Variants in PDZRN3 observed in about 807,000 individuals in gnomAD.
PDZRN3 encodes E3 ubiquitin-protein ligase PDZRN3.
Under a neutral mutation model 85.7 loss-of-function variants are expected in PDZRN3, and 38 were observed. The observed-to-expected ratio is 0.44, with a 90% CI of 0.34 to 0.58. The LOEUF (loss-of-function observed/expected upper bound fraction) is 0.58. PDZRN3 is among the 20% of genes least tolerant of loss of function. The pLI, the probability that PDZRN3 is intolerant of heterozygous loss-of-function variation, is 0.01. For synonymous variants in PDZRN3, 759 were observed against 638.0 expected (o/e 1.19, Z -2.86); for missense variants, 1,629 against 1,506.4 (o/e 1.08, Z -1.35).
At chr3:73,474,901 G>A (rs886614779) in intron 3 of PDZRN3, among the ~76,000 whole-genome samples, 1 of 152,156 alleles carries the variant, frequency 6.6e-6, no homozygotes, top group African/African-American at 2.4e-5. Context: ...GGAAATTAAT[G>A]GAGGGTTGTG....
At chr3:73,452,885 T>C (rs908765515) in intron 3 of PDZRN3, among the ~76,000 whole-genome samples, 5 of 56,760 alleles carry the variant, frequency 8.8e-5, no homozygotes, top group Non-Finnish European at 1.7e-4. Flanking sequence ...TTTAAGTCCA[T>C]GCAGTTGTCT....
At chr3:73,428,894 GT>G (rs63105360) in intron 3 of PDZRN3, among the ~76,000 whole-genome samples, 32 of 148,962 alleles carry the variant, frequency 2.1e-4, no homozygotes, top group East Asian at 3.9e-4. Flanking sequence ...AGATGGGCTT[GT>G]TTTTTTTTTC....
chr3:73,426,463 C>T (rs762613843), intron 3 of PDZRN3, among the ~76,000 whole-genome samples: 5 of 152,112 alleles, frequency 3.3e-5, no homozygotes, highest in Non-Finnish European at 7.4e-5. Flanking sequence ...CAATTTTCTA[C>T]TTGTAAACTA....
At chr3:73,446,083 T>G (rs1016850654) in intron 3 of PDZRN3, among the ~76,000 whole-genome samples, 4 of 152,240 alleles carry the variant, frequency 2.6e-5, no homozygotes, top group African/African-American at 4.8e-5. Flanking sequence ...ACTAGAAAGC[T>G]GATAAGTGGG....
At chr3:73,474,266 C>T (rs867546336) in intron 3 of PDZRN3, among the ~76,000 whole-genome samples, 1 of 152,218 alleles carries the variant, frequency 6.6e-6, no homozygotes, top group Non-Finnish European at 1.5e-5. Context: ...GTTCATGGTA[C>T]AGACAGATGG....
At position 73,385,793 on chromosome 3, in the gene PDZRN3, C is replaced by A; in HGVS notation, c.1519-8G>T. ...CATCCAGCCCTCATCCAGCTGCAGG[C>A]AAGAGCAGCCAACACATGCCTTAGA... On this transcript the variant is annotated splice_polypyrimidine_tract_variant and splice_region_variant and intron_variant, in intron 8 of 9. Coordinates refer to ENST00000263666, the MANE Select transcript of PDZRN3 (RefSeq NM_015009.3). 1 of 1,494,404 alleles carries A rather than the reference C, an allele frequency of 6.7e-7. No homozygotes were observed. Among genetic ancestry groups the A allele is most frequent in the Non-Finnish European group, 9.3e-7 (1 of 1,071,014 alleles). 92.6% of individuals were successfully genotyped at this position (1,494,404 alleles called of 1,614,324 possible). A position where few individuals can be genotyped will look rare whatever the true frequency, so the allele number is the denominator to read the frequency against.
intron 3 of PDZRN3, among the ~76,000 whole-genome samples, chr3:73,476,891 G>A (rs536574326): frequency 6.6e-6 from 1 of 152,246 alleles, no homozygotes; most frequent in African/African-American, 2.4e-5. Context: ...GCAACCTCAT[G>A]GGACTACCCA....
intron 3 of PDZRN3, among the ~76,000 whole-genome samples, chr3:73,462,307 G>T (rs1489336974): frequency 6.6e-6 from 1 of 152,020 alleles, no homozygotes; most frequent in African/African-American, 2.4e-5. Context: ...GGAACTTGAG[G>T]CCGAGGCGGG....
intron 3 of PDZRN3, among the ~76,000 whole-genome samples, chr3:73,600,331 A>ACTCTCTCTCT (rs1236234605): frequency 8.1e-5 from 7 of 86,012 alleles, no homozygotes; most frequent in African/African-American, 3.4e-4. Context: ...ACACACACAC[A>ACTCTCTCTCT]CACACACTCT....
chr3:73,558,506 T>C (rs1433040823), intron 3 of PDZRN3, among the ~76,000 whole-genome samples: 2 of 152,234 alleles, frequency 1.3e-5, no homozygotes, highest in African/African-American at 4.8e-5. Flanking sequence ...AGATGACTCA[T>C]CCTTCACTGG....
At chr3:73,391,254 C>A in intron 5 of PDZRN3, 138 bp from the exon 6 acceptor site, 1 of 593,908 alleles carries the variant, frequency 1.7e-6, no homozygotes, top group African/African-American at 1.8e-5. Flanking sequence ...GGTTAACTTA[C>A]TAAACAAAAA....
At chr3:73,509,216 G>A (rs535186662) in intron 3 of PDZRN3, among the ~76,000 whole-genome samples, 7 of 152,138 alleles carry the variant, frequency 4.6e-5, no homozygotes, top group Non-Finnish European at 1.0e-4. Context: ...CAAGCCCCCC[G>A]TGAGGAAGTG....
chr3:73,496,773 T>C (rs2106674229), intron 3 of PDZRN3, among the ~76,000 whole-genome samples: 1 of 152,280 alleles, frequency 6.6e-6, no homozygotes, highest in Middle Eastern at 3.4e-3. Flanking sequence ...TACTTAAAGC[T>C]TTACCAGGTG....
chr3:73,622,264 G>A (rs1170121107), intron 1 of PDZRN3, among the ~76,000 whole-genome samples: 1 of 152,208 alleles, frequency 6.6e-6, no homozygotes, highest in African/African-American at 2.4e-5. Flanking sequence ...GCAGCTGACA[G>A]ACAGGCCAGG....
intron 7 of PDZRN3, among the ~76,000 whole-genome samples, chr3:73,389,241 A>C (rs1226305343): frequency 1.3e-5 from 2 of 152,172 alleles, no homozygotes; most frequent in Non-Finnish European, 2.9e-5. Flanking sequence ...TTGTAGCCAA[A>C]AGAGACATGA....
In PDZRN3 at chr3:73,384,872, T is replaced by C. The variant is rs966841302; in HGVS notation, c.1694A>G (p.His565Arg). ...CCGCCCCACACCGCTGTCCTTCTCG[T>C]GCTGGTTGGACAAGATGGTGGCTGT... The part of the protein sequence containing the change: ...TDTATILSNQ[H>R]EKDSGVGRTD... Residue 565 changes from histidine (H) to arginine (R), a missense_variant, in exon 10 of 10, where the codon CAC becomes CGC. His to Arg is a conservative substitution (Grantham distance 29). Transcript: ENST00000263666. The C allele has an allele frequency of 6.2e-7, 1 of 1,613,752 alleles. No homozygotes were observed. Among genetic ancestry groups the C allele is most frequent in the African/African-American group, 1.3e-5 (1 of 74,930 alleles).
chr3:73,539,402 A>G (rs1704862460), intron 3 of PDZRN3, among the ~76,000 whole-genome samples: 1 of 152,200 alleles, frequency 6.6e-6, no homozygotes, highest in Admixed American at 6.6e-5. Flanking sequence ...TGCTCCTCTC[A>G]GCAAGAGGTG....
In PDZRN3 at chr3:73,409,899, G is replaced by C. The variant is rs567104565; in HGVS notation, c.919-5504C>G. Among the ~76,000 whole-genome samples the C allele has an allele frequency of 8.5e-5, 13 of 152,314 alleles. No homozygotes were observed. In the South Asian group the frequency reaches 2.7e-3, roughly 32 times the overall value. On this transcript the variant is annotated intron_variant, in intron 3 of 9. Transcript: ENST00000263666. Reference sequence around the variant, plus strand: ...TATTTATGGGGGACATTTGCTTTCTGAGGTTCAGCATATCACAGTCACCTC... The same window carrying C: ...TATTTATGGGGGACATTTGCTTTCTCAGGTTCAGCATATCACAGTCACCTC...
intron 3 of PDZRN3, among the ~76,000 whole-genome samples, chr3:73,520,533 C>T (rs1704340857): frequency 6.6e-6 from 1 of 152,104 alleles, no homozygotes; most frequent in South Asian, 2.1e-4. Context: ...CAAGAGTGAA[C>T]TAAAGTAAAA....
Sources: allele counts gnomAD v4.1 joint callset (sites outside exome capture counted in the v4.1 genomes callset), GRCh38; gene constraint gnomAD v4.1.1; transcripts MANE v1.5; gene names NCBI Gene and HGNC (gene_info 2026-07-23, HGNC 2026-07-21).